The following C21orf91 variants were observed in gnomAD, a reference collection of about 807,000 sequenced individuals.
The protein encoded by C21orf91 is protein EURL homolog.
A neutral mutation model predicts 32.9 loss-of-function variants in C21orf91; 26 were observed. The observed-to-expected ratio is 0.79, with a 90% confidence interval of 0.58 to 1.10. The LOEUF (loss-of-function observed/expected upper bound fraction) is 1.10, where lower values mean the gene tolerates loss of function less well. C21orf91 is among the 50% of genes least tolerant of loss of function. C21orf91 has a pLI of 0.00. For synonymous variants in C21orf91, 126 were observed against 120.4 expected, an observed-to-expected ratio of 1.05 and a Z score of -0.31; for missense variants, 310 against 341.3, an observed-to-expected ratio of 0.91 and a Z score of 0.72.
At chr21:17,817,305 A>G (rs1268683760) in intron 2 of C21orf91, among the ~76,000 whole-genome samples, 1 of 152,214 alleles carries the variant, frequency 6.6e-6, no homozygotes, top group Non-Finnish European at 1.5e-5. Context: ...TTTTTAAACA[A>G]TAAGAACATT....
chr21:17,814,375 G>GT (rs567288775), intron 2 of C21orf91, among the ~76,000 whole-genome samples: 1 of 152,326 alleles, frequency 6.6e-6, no homozygotes, highest in East Asian at 1.9e-4. Flanking sequence ...GGTCAAGGCT[G>GT]TAAGTATTTA....
intron 2 of C21orf91, among the ~76,000 whole-genome samples, chr21:17,814,857 A>G (rs552422417): frequency 6.6e-6 from 1 of 152,354 alleles, no homozygotes; most frequent in South Asian, 2.1e-4. Flanking sequence ...GATCCAAACC[A>G]TATCAAATGG....
In C21orf91 at chr21:17,818,326, CT is replaced by C. The variant is rs779754411; in HGVS notation, c.-7-2del. 1.9e-6 allele frequency: 3 copies of C among 1,598,350 alleles called. No homozygotes were observed. In the South Asian group the frequency reaches 3.4e-5, roughly 18 times the overall value. ...CTGCTCCTCTTCGTTCATAGTGCCC[CT>C]ATTAAGAAACAGAAAAGGAAAGTTA... On this transcript the variant is annotated splice_acceptor_variant, in intron 1 of 4. Coordinates refer to ENST00000284881, the MANE Select transcript of C21orf91 (RefSeq NM_001100420.2). LOFTEE classifies it low-confidence loss of function (5UTR_SPLICE).
At chr21:17,816,286 TTTGTATATTCTC>T (rs2062664541) in intron 2 of C21orf91, among the ~76,000 whole-genome samples, 1 of 152,230 alleles carries the variant, frequency 6.6e-6, no homozygotes, top group African/African-American at 2.4e-5. Flanking sequence ...TAAGGTAATA[TTTGTATATTCTC>T]TATATAATGA....
At position 17,796,276 on chromosome 21, in the gene C21orf91, T is replaced by C. The variant is rs75282970; in HGVS notation, c.664+306A>G. Among the ~76,000 whole-genome samples, 371 of 152,338 alleles carry C rather than the reference T, an allele frequency of 2.4e-3. 8 individuals carry two copies. In the East Asian group the frequency reaches 0.067, roughly 28 times the overall value. Reference sequence around the variant, plus strand: ...ATGACAATGTGTATTAGCCAACAGATGAAGCTGTACTTCTAAACTATACGA... The same window carrying C: ...ATGACAATGTGTATTAGCCAACAGACGAAGCTGTACTTCTAAACTATACGA... On this transcript the variant is annotated intron_variant, in intron 3 of 4. Coordinates refer to ENST00000284881, the MANE Select transcript of C21orf91 (RefSeq NM_001100420.2).
intron 2 of C21orf91, among the ~76,000 whole-genome samples, chr21:17,803,624 C>T (rs923820987): frequency 6.6e-6 from 1 of 152,068 alleles, no homozygotes; most frequent in African/African-American, 2.4e-5. Flanking sequence ...ATCTTGGATG[C>T]TAAGAAACGG....
At chr21:17,794,071 A>C (rs1326479344) in intron 4 of C21orf91, among the ~76,000 whole-genome samples, 1 of 152,232 alleles carries the variant, frequency 6.6e-6, no homozygotes, top group Non-Finnish European at 1.5e-5. Flanking sequence ...TAATAATGAT[A>C]GTAAGCACTT....
rs570067022 is a variant in C21orf91 at position 17,807,086 on chromosome 21, T to C, written c.128-9968A>G. On this transcript the variant is annotated intron_variant, in intron 2 of 4. Coordinates refer to ENST00000284881, the MANE Select transcript of C21orf91 (RefSeq NM_001100420.2). ...TAATATGTAGGAATTATATTTTATC[T>C]ATACTGTATTTATTCTACTGTGTAG... Among the ~76,000 whole-genome samples the C allele has an allele frequency of 3.9e-4, 59 of 152,332 alleles. No individual in the cohort carries two copies. The Middle Eastern group carries it at 0.01, about 26-fold the overall frequency.
chr21:17,809,847 CTTTCAT>C (rs1437920544), intron 2 of C21orf91, among the ~76,000 whole-genome samples: 1 of 152,070 alleles, frequency 6.6e-6, no homozygotes, highest in Non-Finnish European at 1.5e-5. Flanking sequence ...AACCACAGCG[CTTTCAT>C]TTTGAGATTC....
intron 2 of C21orf91, among the ~76,000 whole-genome samples, chr21:17,799,134 G>A (rs868826946): frequency 1.3e-5 from 2 of 152,054 alleles, no homozygotes; most frequent in African/African-American, 2.4e-5. Flanking sequence ...AATATTTATT[G>A]TTATATTTTG....
chr21:17,808,002 A>G, intron 2 of C21orf91, among the ~76,000 whole-genome samples: 1 of 152,244 alleles, frequency 6.6e-6, no homozygotes, highest in East Asian at 1.9e-4. Context: ...GAGGAATTCA[A>G]GCCAGCTGCA....
chr21:17,801,996 TA>T (rs1480605216), intron 2 of C21orf91, among the ~76,000 whole-genome samples: 4 of 152,212 alleles, frequency 2.6e-5, no homozygotes. Flanking sequence ...TTTATACTAT[TA>T]TTCTGTACTT....
intron 2 of C21orf91, chr21:17,813,924 G>C (rs906253863): frequency 6.6e-6 from 1 of 152,006 alleles, no homozygotes; most frequent in African/African-American, 2.4e-5. Context: ...ATTGCTCAAG[G>C]TCAGCCTAAG....
rs2062496009 is a variant in C21orf91, at chr21:17,793,699, T to TTTA, written c.728-119_728-118insTAA. On this transcript the variant is annotated intron_variant, in intron 4 of 4. Transcript: ENST00000284881. ...GGCAAAGTGTCACAATGAAACTGAT[T>TTTA]TGATACCAAGGAAACAGTTCTGTTC... 27 of 660,280 alleles carry TTTA rather than the reference T, an allele frequency of 4.1e-5. No homozygotes were observed. The South Asian group carries it at 5.1e-4, about 12-fold the overall frequency. 40.9% of individuals were successfully genotyped at this position (660,280 alleles called of 1,614,324 possible).
chr21:17,817,891 T>C (rs2062674970), intron 2 of C21orf91: 5 of 223,916 alleles, frequency 2.2e-5, no homozygotes, highest in African/African-American at 9.0e-5. Context: ...TGTTAAAATC[T>C]GACAATTCAA....
intron 2 of C21orf91, among the ~76,000 whole-genome samples, chr21:17,806,504 A>G (rs1034552201): frequency 1.5e-4 from 6 of 40,106 alleles, no homozygotes; most frequent in Non-Finnish European, 2.1e-4. Flanking sequence ...CAAGCTGATG[A>G]GTTAGTAAAA....
At chr21:17,814,435 A>T (rs2062652425) in intron 2 of C21orf91, among the ~76,000 whole-genome samples, 1 of 152,166 alleles carries the variant, frequency 6.6e-6, no homozygotes. Flanking sequence ...AATTTATTTT[A>T]ATGGTGAATT....
chr21:17,817,209 C>A (rs2062669522), intron 2 of C21orf91, among the ~76,000 whole-genome samples: 1 of 152,112 alleles, frequency 6.6e-6, no homozygotes, highest in South Asian at 2.1e-4. Flanking sequence ...CCATAATCTT[C>A]CATCACATAC....
At chr21:17,815,362 G>A (rs537191908) in intron 2 of C21orf91, among the ~76,000 whole-genome samples, 1 of 152,108 alleles carries the variant, frequency 6.6e-6, no homozygotes, top group African/African-American at 2.4e-5. Flanking sequence ...TCAGGCAACT[G>A]CAATACTACC....
Sources: allele counts gnomAD v4.1 joint callset (sites outside exome capture counted in the v4.1 genomes callset), GRCh38; gene constraint gnomAD v4.1.1; transcripts MANE v1.5; gene names NCBI Gene and HGNC (gene_info 2026-07-23, HGNC 2026-07-21).